The following SEMA6D variants were observed in gnomAD, a reference collection of about 807,000 sequenced individuals.
The protein encoded by SEMA6D is semaphorin 6D.
Under a neutral mutation model 106.6 loss-of-function variants are expected in SEMA6D, and 35 were observed. The observed-to-expected ratio is 0.33, with a 90% CI of 0.25 to 0.44. The LOEUF is 0.44. Among genes scored for constraint, SEMA6D ranks in the 20% least tolerant of loss-of-function variants. SEMA6D has a pLI of 1.00. For missense variants in SEMA6D, 1,185 were observed against 1,345.9 expected (o/e 0.88, Z 1.87); for synonymous variants, 499 against 487.7 (o/e 1.02, Z -0.31).
intron 1 of SEMA6D, among the ~76,000 whole-genome samples, chr15:47,194,963 G>A (rs1482013874): frequency 1.3e-5 from 2 of 152,074 alleles, no homozygotes; most frequent in South Asian, 2.1e-4. Context: ...GGGATCAACC[G>A]GTGTCAGCAC....
intron 2 of SEMA6D, among the ~76,000 whole-genome samples, chr15:47,435,142 G>T (rs1338561454): frequency 6.6e-6 from 1 of 152,032 alleles, no homozygotes; most frequent in Non-Finnish European, 1.5e-5. Context: ...CATAGATTTT[G>T]CAGTTAACAG....
intron 1 of SEMA6D, among the ~76,000 whole-genome samples, chr15:47,409,681 G>A (rs1285361467): frequency 6.6e-6 from 1 of 152,084 alleles, no homozygotes; most frequent in Non-Finnish European, 1.5e-5. Context: ...GTAGAGAGGT[G>A]AAGTTATTTG....
Position 47,630,860 on chromosome 15 carries a change from A to AT in SEMA6D, c.-55+29970dup, listed in dbSNP as rs543801943. Among the ~76,000 whole-genome samples the AT allele has an allele frequency of 8.6e-5, 13 of 151,622 alleles. No individual in the cohort carries two copies. In the South Asian group the frequency reaches 1.5e-3, roughly 17 times the overall value. ...CTCTATCAATTGATATGATCGTGTG[A>AT]TTTTTTCTTTTTTAGTCTGTTGGTT... is the stretch of plus-strand genomic sequence containing the variant. On this transcript the variant is annotated intron_variant, in intron 4 of 19. Coordinates refer to the SEMA6D transcript ENST00000558014.
At chr15:47,289,327 G>A (rs562926500) in intron 1 of SEMA6D, among the ~76,000 whole-genome samples, 1 of 147,212 alleles carries the variant, frequency 6.8e-6, no homozygotes, top group Admixed American at 6.9e-5. Context: ...CTAGGAGGCG[G>A]AGGTTTCAGT....
At chr15:47,315,784 A>T (rs1389609394) in intron 1 of SEMA6D, among the ~76,000 whole-genome samples, 1 of 151,558 alleles carries the variant, frequency 6.6e-6, no homozygotes, top group Non-Finnish European at 1.5e-5. Flanking sequence ...TTTTAGTTTT[A>T]CTCTTATAGA....
Position 47,764,318 on chromosome 15 carries a change from G to A in SEMA6D, c.1097+13G>A. 1 of 1,609,150 alleles carries A rather than the reference G, an allele frequency of 6.2e-7. No homozygotes were observed. The highest frequency in any genetic ancestry group is 8.5e-7 in the Non-Finnish European group (1 of 1,178,448). On this transcript the variant is annotated intron_variant, in intron 11 of 18. Coordinates refer to ENST00000536845, the MANE Select transcript of SEMA6D (RefSeq NM_001358351.3). ...TGCCAAAGCCAAGGTAAATAAAAAA[G>A]TAGAAAAGGGTTTTGTCTTGAACAA... is the stretch of plus-strand genomic sequence containing the variant.
At chr15:47,413,485 C>T (rs1221797672) in intron 2 of SEMA6D, among the ~76,000 whole-genome samples, 1 of 151,812 alleles carries the variant, frequency 6.6e-6, no homozygotes, top group Admixed American at 6.6e-5. Context: ...TTCTTTCTTT[C>T]CTTCTTTCTT....
chr15:47,387,083 C>CAT (rs1389730592), intron 1 of SEMA6D, among the ~76,000 whole-genome samples: 1 of 152,184 alleles, frequency 6.6e-6, no homozygotes, highest in East Asian at 1.9e-4. Flanking sequence ...CAGAATAACT[C>CAT]AAAGTCAGCT....
intron 1 of SEMA6D, among the ~76,000 whole-genome samples, chr15:47,217,870 C>CGCAT (rs1392030045): frequency 1.3e-5 from 1 of 79,346 alleles, no homozygotes; most frequent in Non-Finnish European, 2.5e-5. Flanking sequence ...TGCATGTACA[C>CGCAT]ACATACACAC....
intron 1 of SEMA6D, among the ~76,000 whole-genome samples, chr15:47,332,864 C>T (rs2037398576): frequency 6.6e-6 from 1 of 151,952 alleles, no homozygotes; most frequent in Admixed American, 6.6e-5. Context: ...AATATAGTGC[C>T]CTAAACATAG....
chr15:47,579,827 A>G (rs1215046895), intron 3 of SEMA6D, among the ~76,000 whole-genome samples: 1 of 152,070 alleles, frequency 6.6e-6, no homozygotes, highest in Admixed American at 6.5e-5. Flanking sequence ...AGATTGAGCT[A>G]TTACTGAGGA....
At chr15:47,658,249 A>T (rs762312208) in intron 4 of SEMA6D, among the ~76,000 whole-genome samples, 10 of 152,162 alleles carry the variant, frequency 6.6e-5, no homozygotes, top group Non-Finnish European at 1.3e-4. Context: ...GTATCCTTTG[A>T]ACAACAGAAG....
At chr15:47,343,511 G>A (rs2037914840) in intron 1 of SEMA6D, among the ~76,000 whole-genome samples, 1 of 151,682 alleles carries the variant, frequency 6.6e-6, no homozygotes, top group African/African-American at 2.4e-5. Flanking sequence ...GCAGTGTTTG[G>A]TTTTTTGTCC....
At chr15:47,348,217 G>A (rs886667959) in intron 1 of SEMA6D, among the ~76,000 whole-genome samples, 10 of 152,152 alleles carry the variant, frequency 6.6e-5, no homozygotes, top group Non-Finnish European at 1.5e-4. Context: ...ATGAGCTCTA[G>A]AGCCAACCAG....
chr15:47,229,073 G>C (rs542830212), intron 1 of SEMA6D, among the ~76,000 whole-genome samples: 1 of 151,932 alleles, frequency 6.6e-6, no homozygotes, highest in Non-Finnish European at 1.5e-5. Flanking sequence ...CTTACTGAGC[G>C]TATACTAAAG....
intron 1 of SEMA6D, among the ~76,000 whole-genome samples, chr15:47,407,822 G>A (rs751878354): frequency 1.2e-4 from 19 of 152,172 alleles, no homozygotes; most frequent in Non-Finnish European, 2.4e-4. Context: ...TGGATAACCA[G>A]CCAGAAGCTC....
At chr15:47,518,078 G>A (rs1439976439) in intron 3 of SEMA6D, among the ~76,000 whole-genome samples, 1 of 152,180 alleles carries the variant, frequency 6.6e-6, no homozygotes, top group Non-Finnish European at 1.5e-5. Flanking sequence ...TGTTGATAAT[G>A]ATAGAGAGAT....
intron 3 of SEMA6D, among the ~76,000 whole-genome samples, chr15:47,555,287 C>G (rs1204553049): frequency 6.6e-6 from 1 of 152,106 alleles, no homozygotes; most frequent in Non-Finnish European, 1.5e-5. Context: ...TCTGCCTCCC[C>G]ACAGTCATGG....
chr15:47,533,630 G>A (rs1375480135), intron 3 of SEMA6D, among the ~76,000 whole-genome samples: 1 of 152,198 alleles, frequency 6.6e-6, no homozygotes, highest in Non-Finnish European at 1.5e-5. Flanking sequence ...GTGTGACTGA[G>A]GGGGTGAATG....
Sources: gnomAD v4.1 joint callset for allele counts (sites outside exome capture counted in the v4.1 genomes callset) on GRCh38, gnomAD v4.1.1 for gene constraint, MANE v1.5 for transcripts, NCBI Gene and HGNC (gene_info 2026-07-23, HGNC 2026-07-21) for gene names.